MGAT4C: variants seen among roughly 807,000 people sequenced by gnomAD.
MGAT4C encodes the protein alpha-1,3-mannosyl-glycoprotein 4-beta-N-acetylglucosaminyltransferase C.
MGAT4C carries 19 observed loss-of-function variants against 40.1 expected under a neutral mutation model. The observed-to-expected ratio is 0.47, with a 90% CI of 0.33 to 0.70. The LOEUF (loss-of-function observed/expected upper bound fraction) is 0.70. Among genes scored for constraint, MGAT4C ranks in the 30% least tolerant of loss-of-function variants. The pLI is 0.02. For synonymous variants in MGAT4C, 181 were observed against 187.1 expected (o/e 0.97, Z 0.27); for missense variants, 491 against 563.2 (o/e 0.87, Z 1.30).
chr12:86,482,102 A>ACACACACAC (rs59483745), intron 2 of MGAT4C, among the ~76,000 whole-genome samples: 8 of 149,714 alleles, frequency 5.3e-5, no homozygotes, highest in African/African-American at 9.9e-5. Flanking sequence ...ACACACACAC[A>ACACACACAC]AGCAAGTCTT....
chr12:86,028,261 C>A, intron 2 of MGAT4C: 1 of 972,244 alleles, frequency 1.0e-6, no homozygotes, highest in South Asian at 1.4e-5. Context: ...CTCCTATTAC[C>A]TTCTCTTGCC....
chr12:86,035,093 C>A (rs1891106912), intron 2 of MGAT4C, among the ~76,000 whole-genome samples: 1 of 150,002 alleles, frequency 6.7e-6, no homozygotes, highest in Admixed American at 6.7e-5. Context: ...GGTACATACC[C>A]AGTAATGGGA....
chr12:86,181,933 TTGAG>T (rs1888173742), intron 1 of MGAT4C, among the ~76,000 whole-genome samples: 1 of 152,146 alleles, frequency 6.6e-6, no homozygotes, highest in Non-Finnish European at 1.5e-5. Context: ...ATTCTCATAA[TTGAG>T]TTAGATCATT....
intron 2 of MGAT4C, among the ~76,000 whole-genome samples, chr12:86,696,369 T>TA (rs376191250): frequency 6.6e-6 from 1 of 151,880 alleles, no homozygotes; most frequent in African/African-American, 2.4e-5. Context: ...AATTAAAAAC[T>TA]AAAAAAAAGT....
At chr12:86,537,826 C>T (rs981530700) in intron 2 of MGAT4C, among the ~76,000 whole-genome samples, 22 of 152,162 alleles carry the variant, frequency 1.4e-4, no homozygotes, top group Admixed American at 6.5e-5. Flanking sequence ...GTGGCTCATG[C>T]CTGTAATCCC....
intron 2 of MGAT4C, among the ~76,000 whole-genome samples, chr12:86,684,801 T>A (rs1950042915): frequency 6.6e-6 from 1 of 152,160 alleles, no homozygotes; most frequent in Non-Finnish European, 1.5e-5. Flanking sequence ...AGCTTTTTTT[T>A]TTTCATATGT....
chr12:86,608,598 G>A (rs902481487), intron 2 of MGAT4C, among the ~76,000 whole-genome samples: 4 of 151,824 alleles, frequency 2.6e-5, no homozygotes, highest in African/African-American at 9.7e-5. Context: ...CAATGTGCTA[G>A]TACTTTATAA....
At position 85,967,076 on chromosome 12, in the gene MGAT4C, GTT is replaced by G. The variant is rs1376913832; in HGVS notation, c.*12211_*12212del. 6.6e-6 allele frequency: 1 copy of G among 151,990 alleles called. No individual in the cohort carries two copies. The highest frequency in any genetic ancestry group is 1.5e-5 in the Non-Finnish European group (1 of 68,008). The allele number at this position is 151,990 out of a possible 1,614,324, so 9.4% of individuals were successfully genotyped here. Reference sequence around the variant, plus strand: ...AAAAATTCTTAGTTATTTGAAAATAGTTTTTTTGAATTCACAAACTTGCAGGA... The same window carrying G: ...AAAAATTCTTAGTTATTTGAAAATAGTTTTTGAATTCACAAACTTGCAGGA... On this transcript the variant is annotated 3_prime_UTR_variant, in exon 5 of 5. Coordinates refer to ENST00000611864, the MANE Select transcript of MGAT4C (RefSeq NM_001351288.2).
chr12:86,624,626 G>A (rs1027760080), intron 2 of MGAT4C, among the ~76,000 whole-genome samples: 4 of 152,086 alleles, frequency 2.6e-5, no homozygotes, highest in African/African-American at 4.8e-5. Context: ...AGCAAAGATA[G>A]CAACAAAATA....
At chr12:86,432,892 T>G (rs908963579) in intron 3 of MGAT4C, among the ~76,000 whole-genome samples, 7 of 151,226 alleles carry the variant, frequency 4.6e-5, no homozygotes, top group Admixed American at 1.3e-4. Context: ...CCTGTTCAAC[T>G]TTTTTTTTCA....
At chr12:86,216,965 A>G (rs1055297102) in intron 1 of MGAT4C, among the ~76,000 whole-genome samples, 17 of 152,304 alleles carry the variant, frequency 1.1e-4, no homozygotes, top group African/African-American at 3.8e-4. Context: ...CAAGCTCAAT[A>G]GCTAAATATA....
chr12:86,473,622 C>G lies in MGAT4C; in HGVS notation c.-228-38357G>C, dbSNP rs112510191. 3.2e-3 allele frequency among the ~76,000 whole-genome samples: 493 copies of G among 152,222 alleles called. 1 individual carries two copies. Among genetic ancestry groups the G allele is most frequent in the African/African-American group, 0.011 (476 of 41,542 alleles). On this transcript the variant is annotated intron_variant, in intron 2 of 7. Transcript: ENST00000548651. ...GCCTTGAGAAACTGCATAAAGCAGTCTTAGGAGGATGAATTCAAATAATGG... is the reference window on the plus strand; with the variant it reads ...GCCTTGAGAAACTGCATAAAGCAGTGTTAGGAGGATGAATTCAAATAATGG...
At position 86,369,144 on chromosome 12, in the gene MGAT4C, T is replaced by G. The variant is rs557232517; in HGVS notation, c.-119-35017A>C. On this transcript the variant is annotated intron_variant, in intron 3 of 7. Transcript: ENST00000548651. The stretch of plus-strand genomic sequence containing the variant: ...TTTCACCAACATTTTTTACTTAATG[T>G]CTACTTTGTCTGATATAAGTTTAGC... 1.4e-4 allele frequency among the ~76,000 whole-genome samples: 21 copies of G among 152,114 alleles called. No individual in the cohort carries two copies. In the South Asian group the frequency reaches 4.3e-3, roughly 31 times the overall value.
intron 4 of MGAT4C, among the ~76,000 whole-genome samples, chr12:86,298,634 A>G (rs1953737528): frequency 6.6e-6 from 1 of 152,188 alleles, no homozygotes; most frequent in African/African-American, 2.4e-5. Flanking sequence ...TTTCAGATAA[A>G]GCTGTGAAAA....
intron 2 of MGAT4C, among the ~76,000 whole-genome samples, chr12:86,456,806 A>T (rs1390666007): frequency 6.6e-6 from 1 of 152,134 alleles, no homozygotes; most frequent in Non-Finnish European, 1.5e-5. Context: ...AAGATGCATG[A>T]CATAAAACTT....
chr12:86,077,568 A>C (rs1302974792), intron 1 of MGAT4C, among the ~76,000 whole-genome samples: 1 of 152,336 alleles, frequency 6.6e-6, no homozygotes, highest in African/African-American at 2.4e-5. Context: ...ACATGGTCAT[A>C]GCTGGTATTG....
intron 2 of MGAT4C, among the ~76,000 whole-genome samples, chr12:86,643,695 ATGT>A (rs1963456367): frequency 6.6e-6 from 1 of 151,850 alleles, no homozygotes; most frequent in South Asian, 2.1e-4. Flanking sequence ...GGAAAATGAG[ATGT>A]GACTTCTAAT....
intron 3 of MGAT4C, among the ~76,000 whole-genome samples, chr12:86,348,093 C>T (rs539416966): frequency 6.6e-6 from 1 of 152,144 alleles, no homozygotes; most frequent in South Asian, 2.1e-4. Flanking sequence ...CTGTGACAAA[C>T]CTTGGATCAA....
chr12:86,057,669 A>G (rs1055588349), intron 1 of MGAT4C, among the ~76,000 whole-genome samples: 3 of 152,160 alleles, frequency 2.0e-5, no homozygotes, highest in African/African-American at 7.2e-5. Flanking sequence ...TCTTACTGCA[A>G]TCTTTGTGTG....
Sources: allele counts gnomAD v4.1 joint callset (sites outside exome capture counted in the v4.1 genomes callset), GRCh38; gene constraint gnomAD v4.1.1; transcripts MANE v1.5; gene names NCBI Gene and HGNC (gene_info 2026-07-23, HGNC 2026-07-21).